Variants in SLC22A25 observed in about 807,000 individuals in gnomAD.
The protein encoded by SLC22A25 is solute carrier family 22 member 25.
SLC22A25 carries 44 observed loss-of-function variants against 45.9 expected under a neutral mutation model. The observed-to-expected ratio is 0.96, with a 90% CI of 0.75 to 1.23. The LOEUF is 1.23. Ranked by LOEUF, SLC22A25 falls within the 50% of genes most tolerant of loss-of-function variation. The probability of loss-of-function intolerance (pLI) is 0.00; values close to 1 mark genes in which losing one functional copy is unlikely to be tolerated. For missense variants in SLC22A25, 800 were observed against 666.4 expected, an observed-to-expected ratio of 1.20 and a Z score of -2.21; for synonymous variants, 283 against 238.6, an observed-to-expected ratio of 1.19 and a Z score of -1.72.
chr11:63,158,523 G>A lies in SLC22A25; in HGVS notation c.*5301C>T, dbSNP rs1282999179. The stretch of plus-strand genomic sequence containing the variant: ...GGGTGTATGAGATGTTCTGATATAG[G>A]TATGCAATGTGTAATTATCTTGTCA... On this transcript the variant is annotated 3_prime_UTR_variant, in exon 12 of 12. Coordinates refer to ENST00000306494, the MANE Select transcript of SLC22A25 (RefSeq NM_199352.6). Among the ~76,000 whole-genome samples, 2 of 152,088 alleles carry A rather than the reference G, an allele frequency of 1.3e-5. No homozygotes were observed. The highest frequency in any genetic ancestry group is 1.3e-4 in the Admixed American group (2 of 15,274).
At chr11:63,233,759 T>C (rs2090114075) in intron 3 of SLC22A25, among the ~76,000 whole-genome samples, 1 of 152,250 alleles carries the variant, frequency 6.6e-6, no homozygotes, top group African/African-American at 2.4e-5. Flanking sequence ...TCCTGCTTTC[T>C]CTTGTAGGCA....
In SLC22A25 at chr11:63,198,202, G is replaced by T. The variant is rs2089119940; in HGVS notation, c.831-14385C>A. ...GGATCTAGAACTAGAAATACCATTTGACCCAGCGATCCCATTACTGGGTAT... is the reference window on the plus strand; with the variant it reads ...GGATCTAGAACTAGAAATACCATTTTACCCAGCGATCCCATTACTGGGTAT... On this transcript the variant is annotated intron_variant, in intron 7 of 11. Coordinates refer to ENST00000306494, the MANE Select transcript of SLC22A25 (RefSeq NM_199352.6). 2.0e-5 allele frequency among the ~76,000 whole-genome samples: 3 copies of T among 152,172 alleles called. No homozygotes were observed. The South Asian group carries it at 6.2e-4, about 31-fold the overall frequency.
intron 3 of SLC22A25, among the ~76,000 whole-genome samples, chr11:63,235,273 A>G (rs2090143983): frequency 6.6e-6 from 1 of 152,180 alleles, no homozygotes; most frequent in South Asian, 2.1e-4. Flanking sequence ...CGTCACTTTC[A>G]GGTACACCAG....
At chr11:63,213,546 G>A (rs545838049) in intron 7 of SLC22A25, among the ~76,000 whole-genome samples, 1 of 152,278 alleles carries the variant, frequency 6.6e-6, no homozygotes, top group South Asian at 2.1e-4. Flanking sequence ...GGTGCCACAC[G>A]CTGTAGTCAC....
intron 7 of SLC22A25, among the ~76,000 whole-genome samples, chr11:63,188,110 A>C (rs1184914061): frequency 6.6e-6 from 1 of 152,208 alleles, no homozygotes; most frequent in Non-Finnish European, 1.5e-5. Context: ...GAATAGTTTC[A>C]GAAGGAATGA....
At chr11:63,215,450 G>A (rs1319392366) in intron 7 of SLC22A25, among the ~76,000 whole-genome samples, 1 of 152,136 alleles carries the variant, frequency 6.6e-6, no homozygotes, top group Non-Finnish European at 1.5e-5. Flanking sequence ...GAGACTAGGG[G>A]AGGGATAGCA....
chr11:63,242,404 T>A (rs1227456853), intron 1 of SLC22A25, among the ~76,000 whole-genome samples: 1 of 152,216 alleles, frequency 6.6e-6, no homozygotes, highest in East Asian at 1.9e-4. Flanking sequence ...ATTTCAGAAC[T>A]GCTATACAGC....
intron 5 of SLC22A25, chr11:63,220,188 C>A (rs1279074067): frequency 5.3e-6 from 2 of 376,132 alleles, no homozygotes; most frequent in Non-Finnish European, 1.0e-5. Context: ...AGAATCCAGG[C>A]ATGATTTCTC....
intron 5 of SLC22A25, chr11:63,220,011 A>G (rs61930162): frequency 7.5e-5 from 97 of 1,289,154 alleles, no homozygotes; most frequent in Non-Finnish European, 9.5e-5. Flanking sequence ...TTGGGCGATG[A>G]TAATGGTTTC....
At chr11:63,190,503 G>A (rs996275038) in intron 7 of SLC22A25, among the ~76,000 whole-genome samples, 1 of 151,610 alleles carries the variant, frequency 6.6e-6, no homozygotes, top group Non-Finnish European at 1.5e-5. Context: ...TTCCTTCTTT[G>A]GCTCGGAGTA....
At chr11:63,168,397 A>G (rs1026706051) in intron 9 of SLC22A25, among the ~76,000 whole-genome samples, 2 of 152,164 alleles carry the variant, frequency 1.3e-5, no homozygotes, top group Admixed American at 6.5e-5. Flanking sequence ...TTCTAACCCA[A>G]TGCAAGGAAG....
At chr11:63,231,822 A>C (rs992087856) in intron 3 of SLC22A25, among the ~76,000 whole-genome samples, 3 of 152,188 alleles carry the variant, frequency 2.0e-5, no homozygotes, top group Non-Finnish European at 4.4e-5. Flanking sequence ...AGGTATAAGG[A>C]AGGGATCCAG....
At chr11:63,242,518 A>ATAAG (rs897399908) in intron 1 of SLC22A25, among the ~76,000 whole-genome samples, 4 of 152,192 alleles carry the variant, frequency 2.6e-5, no homozygotes, top group African/African-American at 7.2e-5. Context: ...TAGGTCTGAC[A>ATAAG]TAAGTTATTT....
chr11:63,236,358 C>A (rs12576556), intron 3 of SLC22A25, among the ~76,000 whole-genome samples: 5 of 151,936 alleles, frequency 3.3e-5, no homozygotes, highest in Admixed American at 6.5e-5. Flanking sequence ...ACCCCTCCCC[C>A]AGCCTTGCTG....
At chr11:63,191,446 C>T (rs1315096176) in intron 7 of SLC22A25, among the ~76,000 whole-genome samples, 1 of 152,188 alleles carries the variant, frequency 6.6e-6, no homozygotes, top group East Asian at 1.9e-4. Context: ...CCCTCTGTCA[C>T]CCCTTTCTTT....
At chr11:63,230,958 T>A (rs1288319138) in intron 3 of SLC22A25, among the ~76,000 whole-genome samples, 2 of 152,256 alleles carry the variant, frequency 1.3e-5, no homozygotes, top group African/African-American at 4.8e-5. Context: ...GCTTCATCCA[T>A]GTCTCTACAA....
chr11:63,240,700 C>A (rs1241700833), intron 1 of SLC22A25, among the ~76,000 whole-genome samples: 1 of 152,098 alleles, frequency 6.6e-6, no homozygotes, highest in African/African-American at 2.4e-5. Flanking sequence ...ACCAAACTCT[C>A]ACATTGGCCT....
At chr11:63,185,522 T>TTTTTA (rs1482155890) in intron 7 of SLC22A25, among the ~76,000 whole-genome samples, 2 of 124,308 alleles carry the variant, frequency 1.6e-5, no homozygotes, top group Non-Finnish European at 3.3e-5. Flanking sequence ...CACATTTTCT[T>TTTTTA]TTTTTATTTT....
At chr11:63,235,487 C>T (rs775682341) in intron 3 of SLC22A25, among the ~76,000 whole-genome samples, 48 of 152,290 alleles carry the variant, frequency 3.2e-4, no homozygotes, top group Admixed American at 7.8e-4. Context: ...CCATTGTTTT[C>T]GGCTTCATCA....
Sources: allele counts gnomAD v4.1 joint callset (sites outside exome capture counted in the v4.1 genomes callset), GRCh38; gene constraint gnomAD v4.1.1; transcripts MANE v1.5; gene names NCBI Gene and HGNC (gene_info 2026-07-23, HGNC 2026-07-21).